The following NAALADL2 variants were observed in gnomAD, a reference collection of about 807,000 sequenced individuals.
The protein encoded by NAALADL2 is inactive N-acetylated-alpha-linked acidic dipeptidase-like protein 2.
Under a neutral mutation model 87.2 loss-of-function variants are expected in NAALADL2, and 76 were observed. That is an observed-to-expected ratio of 0.87 (90% CI 0.72 to 1.05). The LOEUF (loss-of-function observed/expected upper bound fraction) is 1.05. Ranked by LOEUF, NAALADL2 falls within the 50% of genes least tolerant of loss-of-function variation. The pLI is 0.00. For missense variants in NAALADL2, 1,089 were observed against 945.8 expected (o/e 1.15, Z -1.99); for synonymous variants, 354 against 331.0 (o/e 1.07, Z -0.75).
At chr3:175,481,358 T>TGTGTGTGTATATAG (rs1347703016) in intron 9 of NAALADL2, among the ~76,000 whole-genome samples, 21 of 150,360 alleles carry the variant, frequency 1.4e-4, no homozygotes, top group African/African-American at 5.1e-4. Flanking sequence ...TGTGTGTGTG[T>TGTGTGTGTATATAG]GTGTGTGTAT....
At chr3:175,096,495 C>CGTGTGTGT (rs3067035) in intron 1 of NAALADL2, among the ~76,000 whole-genome samples, 16 of 143,322 alleles carry the variant, frequency 1.1e-4, no homozygotes, top group African/African-American at 2.3e-4. Flanking sequence ...ATTAATGGGG[C>CGTGTGTGT]GTGTGTGTGT....
At chr3:175,130,288 G>A (rs1487728686) in intron 2 of NAALADL2, among the ~76,000 whole-genome samples, 2 of 151,938 alleles carry the variant, frequency 1.3e-5, no homozygotes, top group East Asian at 1.9e-4. Flanking sequence ...TTCCCATTCT[G>A]TGGGTTGCCT....
intron 2 of NAALADL2, among the ~76,000 whole-genome samples, chr3:174,610,731 G>C: frequency 1.1e-5 from 1 of 93,678 alleles, no homozygotes; most frequent in Admixed American, 1.2e-4. Context: ...CCGTAAACTA[G>C]TTCAACCATT....
intron 1 of NAALADL2, among the ~76,000 whole-genome samples, chr3:174,873,482 C>T (rs3849521): frequency 0.2 from 29,676 of 151,770 alleles, 4,038 homozygotes; most frequent in African/African-American, 0.38. Context: ...CTTGAACTCC[C>T]GACCTTGCGA....
At chr3:175,672,906 A>C (rs1365212550) in intron 11 of NAALADL2, among the ~76,000 whole-genome samples, 1 of 152,110 alleles carries the variant, frequency 6.6e-6, no homozygotes, top group Non-Finnish European at 1.5e-5. Context: ...TTTTTTGTTT[A>C]TAGATTGCTT....
chr3:175,164,469 T>A (rs1220232914), intron 2 of NAALADL2, among the ~76,000 whole-genome samples: 1 of 152,122 alleles, frequency 6.6e-6, no homozygotes, highest in Admixed American at 6.6e-5. Context: ...AGAAAATTAT[T>A]TAATTTCTTT....
chr3:175,150,543 T>G lies in NAALADL2; in HGVS notation c.545+53252T>G, dbSNP rs144924339. On this transcript the variant is annotated intron_variant, in intron 2 of 13. Coordinates refer to ENST00000454872, the MANE Select transcript of NAALADL2 (RefSeq NM_207015.3). ...CCACAAAAATAGTTGTTTGATCACG[T>G]TTACCTCCAGAAACCAGAAACTGAC... is the stretch of plus-strand genomic sequence containing the variant. 2.9e-3 allele frequency among the ~76,000 whole-genome samples: 449 copies of G among 152,274 alleles called. 2 individuals are homozygous for G. Among genetic ancestry groups the G allele is most frequent in the Middle Eastern group, 0.014 (4 of 294 alleles).
At chr3:175,252,143 T>C (rs987713147) in intron 3 of NAALADL2, among the ~76,000 whole-genome samples, 3 of 152,234 alleles carry the variant, frequency 2.0e-5, no homozygotes, top group Admixed American at 2.0e-4. Context: ...TATCTGGATT[T>C]ATTGTGTTTC....
intron 11 of NAALADL2, among the ~76,000 whole-genome samples, chr3:175,667,103 G>C (rs1005976934): frequency 6.8e-6 from 1 of 147,594 alleles, no homozygotes; most frequent in African/African-American, 2.5e-5. Flanking sequence ...AGAAAGGAAG[G>C]AAGGAAGGAA....
intron 10 of NAALADL2, among the ~76,000 whole-genome samples, chr3:175,626,932 A>G (rs1382930344): frequency 6.6e-6 from 1 of 151,858 alleles, no homozygotes; most frequent in Non-Finnish European, 1.5e-5. Flanking sequence ...CTTCAGACCA[A>G]TATAGTCACA....
At chr3:175,574,639 A>G (rs1718588690) in intron 9 of NAALADL2, among the ~76,000 whole-genome samples, 1 of 152,074 alleles carries the variant, frequency 6.6e-6, no homozygotes, top group South Asian at 2.1e-4. Flanking sequence ...AAGAATGGAA[A>G]AAGCTTTTTC....
At chr3:175,168,102 A>G (rs1308852684) in intron 2 of NAALADL2, among the ~76,000 whole-genome samples, 1 of 151,976 alleles carries the variant, frequency 6.6e-6, no homozygotes. Flanking sequence ...TGGGGGAAAC[A>G]AGGTTTTTGG....
chr3:175,163,437 G>A lies in NAALADL2; in HGVS notation c.545+66146G>A, dbSNP rs560302355. On this transcript the variant is annotated intron_variant, in intron 2 of 13. Coordinates refer to ENST00000454872, the MANE Select transcript of NAALADL2 (RefSeq NM_207015.3). Reference sequence around the variant, plus strand: ...TTTTGCCCCCAAGAGGCTCCGTTTTGTATGGTATTTGGAAATTTAACATGA... The same window carrying A: ...TTTTGCCCCCAAGAGGCTCCGTTTTATATGGTATTTGGAAATTTAACATGA... Among the ~76,000 whole-genome samples the A allele has an allele frequency of 2.6e-5, 4 of 152,008 alleles. No individual in the cohort carries two copies. In the South Asian group the frequency reaches 8.3e-4, roughly 32 times the overall value.
At chr3:174,533,903 C>A (rs371467549) in intron 1 of NAALADL2, among the ~76,000 whole-genome samples, 248 of 152,182 alleles carry the variant, frequency 1.6e-3, no homozygotes, top group South Asian at 5.8e-3. Flanking sequence ...TGCAAGCTAT[C>A]TATAGAATCA....
intron 13 of NAALADL2, among the ~76,000 whole-genome samples, chr3:175,772,355 A>G (rs779654998): frequency 6.6e-6 from 1 of 152,000 alleles, no homozygotes; most frequent in Non-Finnish European, 1.5e-5. Flanking sequence ...TCACTTTGCC[A>G]GTTGACTCCC....
At chr3:175,138,137 G>T (rs1335851856) in intron 2 of NAALADL2, among the ~76,000 whole-genome samples, 2 of 152,184 alleles carry the variant, frequency 1.3e-5, no homozygotes, top group African/African-American at 4.8e-5. Context: ...AGGATGGAGT[G>T]AGAAATGCAA....
chr3:174,925,285 A>G (rs932651989), intron 1 of NAALADL2, among the ~76,000 whole-genome samples: 1 of 152,184 alleles, frequency 6.6e-6, no homozygotes, highest in Admixed American at 6.5e-5. Flanking sequence ...AGCTTTCTAC[A>G]TATGGCTAGC....
intron 2 of NAALADL2, among the ~76,000 whole-genome samples, chr3:174,572,057 C>G (rs1714992494): frequency 6.6e-6 from 1 of 152,148 alleles, no homozygotes; most frequent in South Asian, 2.1e-4. Flanking sequence ...GAAAATATTA[C>G]AGGCCAAATT....
At chr3:175,128,449 C>T (rs1356814053) in intron 2 of NAALADL2, among the ~76,000 whole-genome samples, 1 of 125,626 alleles carries the variant, frequency 8.0e-6, no homozygotes, top group Non-Finnish European at 1.6e-5. Flanking sequence ...ATCATTTCTT[C>T]AATTTACCTT....
Sources: allele counts gnomAD v4.1 joint callset (sites outside exome capture counted in the v4.1 genomes callset), GRCh38; gene constraint gnomAD v4.1.1; transcripts MANE v1.5; gene names NCBI Gene and HGNC (gene_info 2026-07-23, HGNC 2026-07-21).